The following GTF3C6 variants were observed in gnomAD, a reference collection of about 807,000 sequenced individuals.
GTF3C6 encodes the protein general transcription factor 3C polypeptide 6.
A neutral mutation model predicts 19.2 loss-of-function variants in GTF3C6; 11 were observed. That is an observed-to-expected ratio of 0.57 (90% CI 0.36 to 0.95). The LOEUF (loss-of-function observed/expected upper bound fraction) is 0.95, where lower values mean the gene tolerates loss of function less well. Among genes scored for constraint, GTF3C6 ranks in the 40% least tolerant of loss-of-function variants. The pLI, the probability that GTF3C6 is intolerant of heterozygous loss-of-function variation, is 0.01. For missense variants in GTF3C6, 222 were observed against 254.7 expected (o/e 0.87, Z 0.87); for synonymous variants, 87 against 84.2 (o/e 1.03, Z -0.18).
intron 2 of GTF3C6, 24 bp downstream of exon 2, chr6:110,959,276 A>T: frequency 7.2e-7 from 1 of 1,386,376 alleles, no homozygotes; most frequent in Non-Finnish European, 1.0e-6. Flanking sequence ...ACTTGGGGGG[A>T]TTGTTCTAGA....
chr6:110,965,699 C>T (rs577782975), intron 5 of GTF3C6, among the ~76,000 whole-genome samples: 1 of 152,076 alleles, frequency 6.6e-6, no homozygotes, highest in African/African-American at 2.4e-5. Context: ...TTTCCTCTTC[C>T]TAGTCTTTAA....
intron 5 of GTF3C6, among the ~76,000 whole-genome samples, chr6:110,964,363 C>T (rs1771201723): frequency 6.7e-6 from 1 of 150,370 alleles, no homozygotes; most frequent in Non-Finnish European, 1.5e-5. Context: ...TCCTGCCTCA[C>T]CCTCCTGAGT....
intron 5 of GTF3C6, among the ~76,000 whole-genome samples, chr6:110,964,322 G>A (rs563695799): frequency 1.3e-5 from 2 of 151,980 alleles, no homozygotes; most frequent in East Asian, 1.9e-4. Context: ...TCTGCTTACT[G>A]CAACCTCCAC....
intron 4 of GTF3C6, among the ~76,000 whole-genome samples, chr6:110,961,453 G>C (rs1220266133): frequency 6.6e-6 from 1 of 151,982 alleles, no homozygotes; most frequent in East Asian, 1.9e-4. Context: ...TCCTGGCCAA[G>C]GAATAAAAGA....
intron 5 of GTF3C6, among the ~76,000 whole-genome samples, chr6:110,966,932 T>C (rs996882700): frequency 6.6e-6 from 1 of 152,070 alleles, no homozygotes; most frequent in Non-Finnish European, 1.5e-5. Flanking sequence ...GGCGGGTGGA[T>C]GGCTTGAAGT....
At chr6:110,966,602 CA>C (rs1423914074) in intron 5 of GTF3C6, among the ~76,000 whole-genome samples, 3 of 152,150 alleles carry the variant, frequency 2.0e-5, no homozygotes, top group African/African-American at 7.2e-5. Context: ...GTCTGGCTAC[CA>C]AACACGGCTA....
rs1771117107 is a variant in GTF3C6, at chr6:110,958,784, G to A, written c.15G>A (p.Ala5=). The A allele has an allele frequency of 2.6e-6, 4 of 1,551,030 alleles. No individual in the cohort carries two copies. Among genetic ancestry groups the A allele is most frequent in the East Asian group, 4.9e-5 (2 of 40,988 alleles). Reference sequence around the variant, plus strand: ...GCCGCGGGACCATGGCGGCGGCGGCGGACGAGCGGAGTCCAGAGGACGGAG... The same window carrying A: ...GCCGCGGGACCATGGCGGCGGCGGCAGACGAGCGGAGTCCAGAGGACGGAG... MAAA[A]DERSPEDGED... is the part of the protein sequence containing the mutation. The change falls in exon 1 of 6, where the codon GCG becomes GCA. Residue 5 remains alanine (A), a synonymous_variant. Coordinates refer to ENST00000329970, the MANE Select transcript of GTF3C6 (RefSeq NM_138408.4).
rs571105219 is a variant in GTF3C6, at chr6:110,958,766, G to C, written c.-4G>C. On this transcript the variant is annotated 5_prime_UTR_variant, in exon 1 of 6. Coordinates refer to ENST00000329970, the MANE Select transcript of GTF3C6 (RefSeq NM_138408.4). Reference sequence around the variant, plus strand: ...GTGACTAGAAGGCGAGGCGCCGCGGGACCATGGCGGCGGCGGCGGACGAGC... The same window carrying C: ...GTGACTAGAAGGCGAGGCGCCGCGGCACCATGGCGGCGGCGGCGGACGAGC... 2 of 1,550,886 alleles carry C rather than the reference G, an allele frequency of 1.3e-6. No individual in the cohort carries two copies. The highest frequency in any genetic ancestry group is 8.7e-7 in the Non-Finnish European group (1 of 1,146,934).
At chr6:110,966,434 G>A (rs1333501577) in intron 5 of GTF3C6, among the ~76,000 whole-genome samples, 2 of 152,030 alleles carry the variant, frequency 1.3e-5, no homozygotes, top group African/African-American at 4.8e-5. Context: ...CCGAGATCAT[G>A]CTACTGCACT....
chr6:110,967,042 A>C (rs1771238632), intron 5 of GTF3C6, among the ~76,000 whole-genome samples: 1 of 152,032 alleles, frequency 6.6e-6, no homozygotes, highest in East Asian at 1.9e-4. Flanking sequence ...AATCCCAGCT[A>C]CTCGGGGGGC....
chr6:110,963,600 A>G (rs1771191543), intron 5 of GTF3C6, among the ~76,000 whole-genome samples: 2 of 152,078 alleles, frequency 1.3e-5, no homozygotes, highest in African/African-American at 4.8e-5. Context: ...TTGTGAGCAA[A>G]GTGGATATGA....
rs755615657 is a variant in GTF3C6 at position 110,959,200 on chromosome 6, G to T, written c.86G>T (p.Gly29Val). Residue 29 changes from glycine to valine, a missense_variant, in exon 2 of 6, where the codon GGA becomes GTA. Coordinates refer to ENST00000329970, the MANE Select transcript of GTF3C6 (RefSeq NM_138408.4). ...CAGTTGGTTCTGGTGGAATTATCAG[G>T]AATTATTGATTCAGACTTCCTCTCA... is the stretch of plus-strand genomic sequence containing the variant. ...EEQLVLVELSGIIDSDFLSKC... is the reference protein window; with the variant it reads ...EEQLVLVELSVIIDSDFLSKC... 1.2e-6 allele frequency: 2 copies of T among 1,612,846 alleles called. No individual in the cohort carries two copies. The highest frequency in any genetic ancestry group is 2.2e-5 in the South Asian group (2 of 91,034).
At chr6:110,960,107 T>C (rs191498031) in intron 2 of GTF3C6, among the ~76,000 whole-genome samples, 1 of 152,288 alleles carries the variant, frequency 6.6e-6, no homozygotes, top group Admixed American at 6.5e-5. Flanking sequence ...AGCTAGACAC[T>C]GTCTCAAAAA....
chr6:110,963,898 C>T (rs551685902), intron 5 of GTF3C6, among the ~76,000 whole-genome samples: 2 of 151,988 alleles, frequency 1.3e-5, no homozygotes, highest in African/African-American at 2.4e-5. Context: ...GACAGGGCTT[C>T]GCCATGTTGG....
chr6:110,962,353 G>T, intron 4 of GTF3C6, 39 bp from the exon 5 acceptor site: 1 of 1,056,104 alleles, frequency 9.5e-7, no homozygotes, highest in Non-Finnish European at 1.5e-6. Flanking sequence ...TTATTTGATG[G>T]CATAAGAAGT....
At chr6:110,962,302 C>G (rs1352148805) in intron 4 of GTF3C6, 90 bp from the exon 5 acceptor site, 1 of 679,334 alleles carries the variant, frequency 1.5e-6, no homozygotes, top group East Asian at 2.7e-5. Context: ...GTAGTTTAAT[C>G]TGACTCCCTA....
intron 1 of GTF3C6, 49 bp from the exon 2 acceptor site, chr6:110,959,123 C>T (rs1771124645): frequency 7.3e-7 from 1 of 1,360,996 alleles, no homozygotes; most frequent in Non-Finnish European, 1.1e-6. Context: ...TAATTGCTCC[C>T]TCTTGGCCGC....
chr6:110,961,545 CTG>C (rs1771160589), intron 4 of GTF3C6, among the ~76,000 whole-genome samples: 3 of 152,160 alleles, frequency 2.0e-5, no homozygotes, highest in Admixed American at 2.0e-4. Context: ...ATGGAAGTGT[CTG>C]TGCTTCATAT....
At chr6:110,960,305 C>A in intron 2 of GTF3C6, 109 bp from the exon 3 acceptor site, 1 of 860,334 alleles carries the variant, frequency 1.2e-6, no homozygotes, top group Non-Finnish European at 1.8e-6. Flanking sequence ...GGACAAGATG[C>A]TCTAGAGGTT....
Sources: allele counts gnomAD v4.1 joint callset (sites outside exome capture counted in the v4.1 genomes callset), GRCh38; gene constraint gnomAD v4.1.1; transcripts MANE v1.5; gene names NCBI Gene and HGNC (gene_info 2026-07-23, HGNC 2026-07-21).